The following UBE2W variants were observed in gnomAD, a reference collection of about 807,000 sequenced individuals.
UBE2W encodes ubiquitin-conjugating enzyme E2 W.
A neutral mutation model predicts 27.2 loss-of-function variants in UBE2W; 18 were observed. The ratio of observed to expected loss-of-function variants is 0.66; its 90% confidence interval spans 0.46 to 0.98. The LOEUF (loss-of-function observed/expected upper bound fraction) is 0.98. Among genes scored for constraint, UBE2W ranks in the 50% least tolerant of loss-of-function variants. The pLI is 0.00. For missense variants in UBE2W, 90 were observed against 180.2 expected (o/e 0.50, Z 2.87); for synonymous variants, 53 against 57.2 (o/e 0.93, Z 0.33).
intron 4 of UBE2W, 45 bp from the exon 5 acceptor site, chr8:73,805,771 G>C: frequency 1.7e-6 from 2 of 1,169,198 alleles, no homozygotes; most frequent in South Asian, 1.8e-5. Flanking sequence ...CAGAAAAACT[G>C]AGAGGGTGAC....
chr8:73,789,987 TAGTACTA>T lies in UBE2W; in HGVS notation c.*4108_*4114del. 6.1e-6 allele frequency: 6 copies of T among 984,828 alleles called. No individual in the cohort carries two copies. Among genetic ancestry groups the T allele is most frequent in the Non-Finnish European group, 7.2e-6 (6 of 829,418 alleles). 61.0% of individuals were successfully genotyped at this position (984,828 alleles called of 1,614,324 possible). ...GAAAATAACAAAATTTCCTTAATAT[TAGTACTA>T]AAGAACTAATTACAGCTAACAGCTC... On this transcript the variant is annotated 3_prime_UTR_variant, in exon 6 of 6. Coordinates refer to ENST00000602593, the MANE Select transcript of UBE2W (RefSeq NM_018299.6).
chr8:73,835,900 G>T (rs892039671), intron 1 of UBE2W, among the ~76,000 whole-genome samples: 1 of 152,146 alleles, frequency 6.6e-6, no homozygotes, highest in Admixed American at 6.5e-5. Context: ...ATAACCATGT[G>T]ATGATTTGTA....
chr8:73,860,523 G>C (rs538330134), intron 1 of UBE2W, among the ~76,000 whole-genome samples: 17 of 152,212 alleles, frequency 1.1e-4, no homozygotes, highest in African/African-American at 3.9e-4. Context: ...TAAAGACAAA[G>C]TGTCTTTATA....
intron 1 of UBE2W, 119 bp from the exon 2 acceptor site, chr8:73,830,591 T>A (rs1354109692): frequency 2.9e-6 from 2 of 698,932 alleles, no homozygotes; most frequent in Admixed American, 2.6e-5. Flanking sequence ...GCTCAAGGAA[T>A]CCTCCCACCT....
chr8:73,820,530 A>G (rs1166457957), intron 3 of UBE2W, among the ~76,000 whole-genome samples: 2 of 152,062 alleles, frequency 1.3e-5, no homozygotes, highest in East Asian at 1.9e-4. Flanking sequence ...TTAGGACAGG[A>G]GTTCAAGACC....
chr8:73,803,143 G>C (rs191072274), intron 5 of UBE2W, among the ~76,000 whole-genome samples: 183 of 152,264 alleles, frequency 1.2e-3, no homozygotes, highest in African/African-American at 4.0e-3. Flanking sequence ...TTGAACCCAG[G>C]AGGCAGAGGA....
intron 3 of UBE2W, among the ~76,000 whole-genome samples, chr8:73,823,791 CAGTA>C (rs1257622589): frequency 5.3e-5 from 8 of 152,128 alleles, no homozygotes; most frequent in Admixed American, 1.3e-4. Context: ...CTTAAGGAGT[CAGTA>C]TCCATTTAAA....
intron 4 of UBE2W, among the ~76,000 whole-genome samples, chr8:73,810,152 T>A (rs1809095717): frequency 6.6e-6 from 1 of 152,210 alleles, no homozygotes. Flanking sequence ...CTGTGAAATC[T>A]ACAAAAAGAA....
intron 1 of UBE2W, among the ~76,000 whole-genome samples, chr8:73,836,830 G>A (rs992789760): frequency 6.6e-6 from 1 of 152,210 alleles, no homozygotes; most frequent in Non-Finnish European, 1.5e-5. Flanking sequence ...ATACTGGCCT[G>A]CTTTCCCAAG....
rs1294249283 is a variant in UBE2W at position 73,810,354 on chromosome 8, A to G, written c.366+120T>C. On this transcript the variant is annotated intron_variant, in intron 4 of 5. Transcript: ENST00000602593. ...TTTATTACTAAACATGAAATTCCCT[A>G]TAATTTTCAAATAAAAAGCATAAAT... 32 of 1,020,938 alleles carry G rather than the reference A, an allele frequency of 3.1e-5. 1 individual carries two copies. The East Asian group carries it at 9.1e-4, about 29-fold the overall frequency. The allele number at this position is 1,020,938 out of a possible 1,614,324, so 63.2% of individuals were successfully genotyped here. A position where few individuals can be genotyped will look rare whatever the true frequency, so the allele number is the denominator to read the frequency against.
At chr8:73,859,450 G>C (rs944355318) in intron 1 of UBE2W, among the ~76,000 whole-genome samples, 1 of 152,220 alleles carries the variant, frequency 6.6e-6, no homozygotes, top group African/African-American at 2.4e-5. Flanking sequence ...AGGCTGCAGT[G>C]AGCTGAGATT....
intron 4 of UBE2W, among the ~76,000 whole-genome samples, chr8:73,808,597 A>C (rs1055966711): frequency 1.8e-4 from 28 of 152,344 alleles, no homozygotes; most frequent in African/African-American, 5.5e-4. Flanking sequence ...CTCAATGCCA[A>C]GGCAAATTTC....
chr8:73,799,113 AG>A (rs1264068189), intron 5 of UBE2W, among the ~76,000 whole-genome samples: 2 of 152,184 alleles, frequency 1.3e-5, no homozygotes, highest in Non-Finnish European at 2.9e-5. Context: ...GTCAACTACA[AG>A]TAAGTAATAA....
rs200709905 is a variant in UBE2W, at chr8:73,791,242, T to C, written c.*2860A>G. The C allele has an allele frequency of 1.0e-6, 1 of 980,660 alleles. No individual in the cohort carries two copies. Among genetic ancestry groups the C allele is most frequent in the Non-Finnish European group, 1.2e-6 (1 of 829,002 alleles). 60.7% of individuals were successfully genotyped at this position (980,660 alleles called of 1,614,324 possible). A position where few individuals can be genotyped will look rare whatever the true frequency, so the allele number is the denominator to read the frequency against. On this transcript the variant is annotated 3_prime_UTR_variant, in exon 6 of 6. Coordinates refer to ENST00000602593, the MANE Select transcript of UBE2W (RefSeq NM_018299.6). ...AAAACAATCCTTCTCTCTAAACCTA[T>C]GGCATTAATCCCTACTTGACCAAAG...
chr8:73,792,563 T>C lies in UBE2W; in HGVS notation c.*1539A>G. On this transcript the variant is annotated 3_prime_UTR_variant, in exon 6 of 6. Coordinates refer to ENST00000602593, the MANE Select transcript of UBE2W (RefSeq NM_018299.6). Reference sequence around the variant, plus strand: ...TTTACTGGGGTACGTATTTCAAACCTTTCAGCCAACTGGCTTTCAGTTTTA... The same window carrying C: ...TTTACTGGGGTACGTATTTCAAACCCTTCAGCCAACTGGCTTTCAGTTTTA... 1.0e-6 allele frequency: 1 copy of C among 985,768 alleles called. No homozygotes were observed. The highest frequency in any genetic ancestry group is 1.1e-4 in the East Asian group (1 of 8,818). 61.1% of individuals were successfully genotyped at this position (985,768 alleles called of 1,614,324 possible).
At chr8:73,854,799 A>T (rs1811219009) in intron 1 of UBE2W, among the ~76,000 whole-genome samples, 1 of 152,254 alleles carries the variant, frequency 6.6e-6, no homozygotes, top group African/African-American at 2.4e-5. Context: ...TTAGCTACTA[A>T]TAAACCTGTT....
chr8:73,809,541 T>C (rs1425443720), intron 4 of UBE2W, among the ~76,000 whole-genome samples: 1 of 152,174 alleles, frequency 6.6e-6, no homozygotes, highest in African/African-American at 2.4e-5. Flanking sequence ...AGGATTCAGA[T>C]ACATTTAAAG....
chr8:73,805,472 C>CAAAAAAAAAAAA lies in UBE2W; in HGVS notation c.442+178_442+179insTTTTTTTTTTTT. ...TCCATCTCAAAAAAAAAAAAAAAAA[C>CAAAAAAAAAAAA]AAAAAAAACTAGGGTAATTCATCCA... On this transcript the variant is annotated intron_variant, in intron 5 of 5. Transcript: ENST00000602593. Among the ~76,000 whole-genome samples, 392 of 43,604 alleles carry CAAAAAAAAAAAA rather than the reference C, an allele frequency of 9.0e-3. 47 individuals carry two copies. Among genetic ancestry groups the CAAAAAAAAAAAA allele is most frequent in the African/African-American group, 0.011 (188 of 16,578 alleles). The allele number at this position is 43,604 out of a possible 152,430, so 28.6% of individuals were successfully genotyped here.
At chr8:73,872,252 G>A (rs754118797) in intron 1 of UBE2W, among the ~76,000 whole-genome samples, 23 of 152,114 alleles carry the variant, frequency 1.5e-4, no homozygotes, top group Non-Finnish European at 3.1e-4. Flanking sequence ...AGTGACTACC[G>A]TAAATATTTG....
Sources: gnomAD v4.1 joint callset for allele counts (sites outside exome capture counted in the v4.1 genomes callset) on GRCh38, gnomAD v4.1.1 for gene constraint, MANE v1.5 for transcripts, NCBI Gene and HGNC (gene_info 2026-07-23, HGNC 2026-07-21) for gene names.